KLK12: variants seen among roughly 807,000 people sequenced by gnomAD.
KLK12 encodes kallikrein-12.
A neutral mutation model predicts 20.0 loss-of-function variants in KLK12; 23 were observed. The ratio of observed to expected loss-of-function variants is 1.15; its 90% CI spans 0.83 to 1.63. The LOEUF is 1.63. KLK12 is among the 40% of genes most tolerant of loss of function. The pLI, the probability that KLK12 is intolerant of heterozygous loss-of-function variation, is 0.00. For synonymous variants in KLK12, 147 were observed against 141.9 expected (o/e 1.04, Z -0.25); for missense variants, 351 against 338.6 (o/e 1.04, Z -0.29).
At chr19:51,032,923 A>G (rs1050009699) in intron 3 of KLK12, among the ~76,000 whole-genome samples, 1 of 152,068 alleles carries the variant, frequency 6.6e-6, no homozygotes, top group African/African-American at 2.4e-5. Flanking sequence ...TTTCACAAAA[A>G]AAGTTCCAGG....
chr19:51,034,764 G>A, intron 1 of KLK12, 42 bp downstream of exon 1: 1 of 1,520,852 alleles, frequency 6.6e-7, no homozygotes, highest in Middle Eastern at 2.4e-4. Flanking sequence ...CTGCTCCCCT[G>A]TGTGTCACTC....
In KLK12 at chr19:51,031,045, T is replaced by C. The variant is rs2091552708; in HGVS notation, c.458-124A>G. 1.7e-5 allele frequency: 17 copies of C among 1,026,842 alleles called. No individual in the cohort carries two copies. In the East Asian group the frequency reaches 2.9e-4, roughly 17 times the overall value. 63.6% of individuals were successfully genotyped at this position (1,026,842 alleles called of 1,614,324 possible). ...TGCCCCTCACCGACCTGTACTACAA[T>C]CCCGAAACCTCCAAGTTACATATTT... On this transcript the variant is annotated intron_variant, in intron 4 of 5. Transcript: ENST00000684732.
At chr19:51,033,179 G>A (rs1406911126) in intron 3 of KLK12, among the ~76,000 whole-genome samples, 1 of 149,106 alleles carries the variant, frequency 6.7e-6, no homozygotes, top group African/African-American at 2.5e-5. Flanking sequence ...TAGCATCACT[G>A]CACTCCAGCT....
At chr19:51,030,962 C>A in intron 4 of KLK12, 41 bp from the exon 5 acceptor site, 1 of 1,613,416 alleles carries the variant, frequency 6.2e-7, no homozygotes, top group Non-Finnish European at 8.5e-7. Flanking sequence ...CCCTAAATCT[C>A]CCCACTTTGA....
Position 51,034,841 on chromosome 19 carries a change from G to A in KLK12, c.-55C>T, listed in dbSNP as rs2091595991. 1 of 1,439,522 alleles carries A rather than the reference G, an allele frequency of 6.9e-7. No individual in the cohort carries two copies. Among genetic ancestry groups the A allele is most frequent in the Non-Finnish European group, 9.1e-7 (1 of 1,096,982 alleles). The allele number at this position is 1,439,522 out of a possible 1,614,324, so 89.2% of individuals were successfully genotyped here. ...TGTCTGCCAGATCCTCTACGTGGCT[G>A]TCACTGTTTGGCCTGTCCTCGTCGC... On this transcript the variant is annotated 5_prime_UTR_variant, in exon 1 of 6. Transcript: ENST00000684732.
chr19:51,030,873 T>C lies in KLK12; in HGVS notation c.506A>G (p.His169Arg), dbSNP rs2091550781. ...GGGATACACACCATGGCAGGTGGCATGGGAGACGATGGAGAGGTTGAGGCA... is the reference window on the plus strand; with the variant it reads ...GGGATACACACCATGGCAGGTGGCACGGGAGACGATGGAGAGGTTGAGGCA... ...LQCLNLSIVS[H>R]ATCHGVYPGR... The change falls in exon 5 of 6, where the codon CAT (histidine) becomes CGT (arginine). Residue 169 changes from histidine to arginine, a missense_variant. By Grantham distance (29) the His-to-Arg change is conservative. Transcript: ENST00000684732. 1.2e-6 allele frequency: 2 copies of C among 1,614,102 alleles called. No homozygotes were observed. Among genetic ancestry groups the C allele is most frequent in the Non-Finnish European group, 1.7e-6 (2 of 1,180,024 alleles).
intron 5 of KLK12, among the ~76,000 whole-genome samples, chr19:51,030,320 C>CATCATT (rs1555789181): frequency 2.2e-5 from 3 of 134,688 alleles, no homozygotes; most frequent in African/African-American, 5.6e-5. Context: ...GCCTCTCCTC[C>CATCATT]ATTATTATTA....
chr19:51,031,457 T>C (rs900460026), intron 4 of KLK12, among the ~76,000 whole-genome samples: 1 of 151,918 alleles, frequency 6.6e-6, no homozygotes, highest in Non-Finnish European at 1.5e-5. Context: ...CAATCTCAGA[T>C]ATGTGATTTT....
chr19:51,034,040 C>T lies in KLK12; in HGVS notation c.137G>A (p.Arg46His), dbSNP rs370556493. The stretch of plus-strand genomic sequence containing the variant: ...GTGGTCAATAAGGACACCCCCGCAG[C>T]GCAGGCTGGTGCCCTCAAACAGCCC... ...QVGLFEGTSL[R>H]CGGVLIDHRW... The change falls in exon 3 of 6, where the codon CGC (arginine) becomes CAC (histidine). Residue 46 changes from arginine (R) to histidine (H), a missense_variant. Coordinates refer to ENST00000684732, the MANE Select transcript of KLK12 (RefSeq NM_001370125.1). 1.4e-5 allele frequency: 23 copies of T among 1,599,910 alleles called. No individual in the cohort carries two copies. In the South Asian group the frequency reaches 1.6e-4, roughly 11 times the overall value.
At chr19:51,030,764 C>A (rs75565227) in intron 5 of KLK12, 24 bp downstream of exon 5, 2 of 1,612,478 alleles carry the variant, frequency 1.2e-6, no homozygotes, top group East Asian at 4.5e-5. Context: ...CTGGTGACCA[C>A]GCACGCTGCC....
rs552324076 is a variant in KLK12, at chr19:51,034,616, C to T, written c.6G>A (p.Gly2=). 19 of 1,609,976 alleles carry T rather than the reference C, an allele frequency of 1.2e-5. No homozygotes were observed. The East Asian group carries it at 4.3e-4, about 36-fold the overall frequency. The part of the protein sequence containing the change: M[G]LSIFLLLCVL... ...CACACAGGAGCAAAAAGATGCTGAG[C>T]CCCATGGTGGGTCACTTCCAAAGTC... Residue 2 remains glycine (G), a synonymous_variant, in exon 2 of 6, where the codon GGG becomes GGA. Coordinates refer to ENST00000684732, the MANE Select transcript of KLK12 (RefSeq NM_001370125.1).
Position 51,033,995 on chromosome 19 carries a change from GC to G in KLK12, c.181del (p.Ala61LeufsTer33), listed in dbSNP as rs2091586055. Reference sequence around the variant, plus strand: ...AGGGACTTACCTGCCGCTGCAGTGAGCCGCTGTGAGGACCCACCTGTGGTCA... The same window carrying G: ...AGGGACTTACCTGCCGCTGCAGTGAGCGCTGTGAGGACCCACCTGTGGTCA... ...LIDHRWVLTA[A>X]HCSGSRYWVR... On this transcript the variant is annotated frameshift_variant, in exon 3 of 6. Transcript: ENST00000684732. LOFTEE classifies it high-confidence loss of function. 1 of 1,611,724 alleles carries G rather than the reference GC, an allele frequency of 6.2e-7. No homozygotes were observed. The highest frequency in any genetic ancestry group is 1.3e-5 in the African/African-American group (1 of 74,872).
intron 3 of KLK12, among the ~76,000 whole-genome samples, chr19:51,032,388 T>C (rs987962098): frequency 2.8e-5 from 4 of 144,724 alleles, no homozygotes; most frequent in Admixed American, 2.7e-4. Flanking sequence ...CTCCTTTTTT[T>C]TTTTTTTTTT....
At chr19:51,031,710 C>T in intron 4 of KLK12, 166 bp downstream of exon 4, 2 of 842,512 alleles carry the variant, frequency 2.4e-6, no homozygotes, top group Non-Finnish European at 2.0e-6. Flanking sequence ...GCTCCCAAGA[C>T]CCCAATCCAC....
rs1322016278 is a variant in KLK12, at chr19:51,034,983, C to G, written c.-197G>C. ...ACCTGTCATGTTGCTCAACCGGTCCCTTTCCTTCCATCTGTCGCTCCAGAC... is the reference window on the plus strand; with the variant it reads ...ACCTGTCATGTTGCTCAACCGGTCCGTTTCCTTCCATCTGTCGCTCCAGAC... On this transcript the variant is annotated 5_prime_UTR_variant, in exon 1 of 6. Transcript: ENST00000684732. 8.5e-7 allele frequency: 1 copy of G among 1,171,048 alleles called. No individual in the cohort carries two copies. The highest frequency in any genetic ancestry group is 1.1e-6 in the Non-Finnish European group (1 of 940,188). 72.5% of individuals were successfully genotyped at this position (1,171,048 alleles called of 1,614,324 possible).
chr19:51,030,812 G>C lies in KLK12; in HGVS notation c.567C>G (p.Gly189=). 6 of 1,613,876 alleles carry C rather than the reference G, an allele frequency of 3.7e-6. No individual in the cohort carries two copies. Among genetic ancestry groups the C allele is most frequent in the Non-Finnish European group, 5.1e-6 (6 of 1,180,020 alleles). ...CCTGGCAGGCATCCTGCCCCGGGACGCCGCCTGCACACACCATGTTGCTCG... is the reference window on the plus strand; with the variant it reads ...CCTGGCAGGCATCCTGCCCCGGGACCCCGCCTGCACACACCATGTTGCTCG... The part of the protein sequence containing the change: ...RITSNMVCAG[G]VPGQDACQGD... Residue 189 remains glycine, a synonymous_variant, in exon 5 of 6, where the codon GGC becomes GGG. Transcript: ENST00000684732.
In KLK12 at chr19:51,031,910, G is replaced by A. The variant is rs1478985677; in HGVS notation, c.423C>T (p.His141=). 8.7e-6 allele frequency: 14 copies of A among 1,613,402 alleles called. No individual in the cohort carries two copies. Among genetic ancestry groups the A allele is most frequent in the East Asian group, 2.2e-5 (1 of 44,874 alleles). Residue 141 remains histidine (H), a synonymous_variant, in exon 4 of 6, where the codon CAC becomes CAT. Coordinates refer to ENST00000684732, the MANE Select transcript of KLK12 (RefSeq NM_001370125.1). ...GGTTGGTGATGCCCCAGCCTGAGAC[G>A]TGGCACTCGGTGCCAGCGGTTGCAC... ...NDCATAGTEC[H]VSGWGITNHP...
At position 51,029,294 on chromosome 19, in the gene KLK12, G is replaced by A. The variant is rs752475203; in HGVS notation, c.*8C>T. ...TTAAGGGGTGGGGGTGGAGGTGGAG[G>A]AAACAGGTCAGTTGTTCCTCATGAT... On this transcript the variant is annotated 3_prime_UTR_variant, in exon 6 of 6. Transcript: ENST00000684732. 1.4e-5 allele frequency: 23 copies of A among 1,613,916 alleles called. No homozygotes were observed. Among genetic ancestry groups the A allele is most frequent in the Non-Finnish European group, 1.8e-5 (21 of 1,180,002 alleles).
At chr19:51,032,427 C>T (rs140657922) in intron 3 of KLK12, among the ~76,000 whole-genome samples, 96 of 147,166 alleles carry the variant, frequency 6.5e-4, no homozygotes, top group Non-Finnish European at 1.0e-3. Context: ...CGCTCTGTCG[C>T]CCAGGCTGGA....
Sources: gnomAD v4.1 joint callset for allele counts (sites outside exome capture counted in the v4.1 genomes callset) on GRCh38, gnomAD v4.1.1 for gene constraint, MANE v1.5 for transcripts, NCBI Gene and HGNC (gene_info 2026-07-23, HGNC 2026-07-21) for gene names.